The following TMEM33 variants were observed in gnomAD, a reference collection of about 807,000 sequenced individuals.
The protein encoded by TMEM33 is transmembrane protein 33.
A neutral mutation model predicts 29.7 loss-of-function variants in TMEM33; 16 were observed. The ratio of observed to expected loss-of-function variants is 0.54; its 90% confidence interval spans 0.36 to 0.82. TMEM33 has a LOEUF of 0.82. Among genes scored for constraint, TMEM33 ranks in the 40% least tolerant of loss-of-function variants. The pLI is 0.00. For synonymous variants in TMEM33, 112 were observed against 109.4 expected (o/e 1.02, Z -0.15); for missense variants, 252 against 295.3 (o/e 0.85, Z 1.08).
At chr4:41,943,705 A>G (rs1577650309) in intron 3 of TMEM33, 42 bp from the exon 4 acceptor site, 2 of 1,569,014 alleles carry the variant, frequency 1.3e-6, no homozygotes, top group East Asian at 2.2e-5. Context: ...TTTGCAGAAT[A>G]CTTGATGACT....
chr4:41,943,620 A>G lies in TMEM33; in HGVS notation c.329-127A>G, dbSNP rs79756322. ...TTGATTTGGCTTAAAGTGTATCAGT[A>G]AAACAAGCCATTCCACTGAACTCAT... is the stretch of plus-strand genomic sequence containing the variant. On this transcript the variant is annotated intron_variant, in intron 3 of 6. Coordinates refer to ENST00000504986, the MANE Select transcript of TMEM33 (RefSeq NM_018126.3). The G allele has an allele frequency of 7.7e-3, 5,793 of 752,454 alleles. 223 individuals carry two copies. In the African/African-American group the frequency reaches 0.089, roughly 12 times the overall value. The allele number at this position is 752,454 out of a possible 1,614,324, so 46.6% of individuals were successfully genotyped here.
chr4:41,954,265 G>A lies in TMEM33; in HGVS notation c.*66G>A. On this transcript the variant is annotated 3_prime_UTR_variant, in exon 7 of 7. Coordinates refer to ENST00000504986, the MANE Select transcript of TMEM33 (RefSeq NM_018126.3). ...TTAGCAGCTGGTACTTCTGCTAGGGGTTGTAAATTCCAGGTGTTACACTGA... is the reference window on the plus strand; with the variant it reads ...TTAGCAGCTGGTACTTCTGCTAGGGATTGTAAATTCCAGGTGTTACACTGA... The A allele has an allele frequency of 6.4e-7, 1 of 1,553,288 alleles. No homozygotes were observed. Among genetic ancestry groups the A allele is most frequent in the Non-Finnish European group, 8.8e-7 (1 of 1,139,588 alleles).
At chr4:41,936,141 T>G (rs754566967) in intron 1 of TMEM33, among the ~76,000 whole-genome samples, 8 of 152,244 alleles carry the variant, frequency 5.3e-5, no homozygotes, top group Non-Finnish European at 1.0e-4. Context: ...GTGACCACAA[T>G]GCAGTTACCA....
chr4:41,945,376 A>T (rs1007116171), intron 5 of TMEM33, among the ~76,000 whole-genome samples: 1 of 152,228 alleles, frequency 6.6e-6, no homozygotes, highest in Non-Finnish European at 1.5e-5. Context: ...ACATTAAAAT[A>T]GTATTGACCT....
intron 1 of TMEM33, among the ~76,000 whole-genome samples, chr4:41,935,929 G>A (rs1712209591): frequency 6.6e-6 from 1 of 152,192 alleles, no homozygotes; most frequent in Non-Finnish European, 1.5e-5. Flanking sequence ...TTTCTGCCTA[G>A]TTTATACAAT....
In TMEM33 at chr4:41,957,819, C is replaced by T. The variant is rs1417626060; in HGVS notation, c.*3620C>T. ...ATGAAAACTTCAAGGAAGAAGTAGC[C>T]ACGGACAGTTATGTTTATAATCAGT... On this transcript the variant is annotated 3_prime_UTR_variant, in exon 7 of 7. Transcript: ENST00000504986. The T allele has an allele frequency of 6.6e-6, 1 of 151,920 alleles. No individual in the cohort carries two copies. The highest frequency in any genetic ancestry group is 2.4e-5 in the African/African-American group (1 of 41,334). The allele number at this position is 151,920 out of a possible 1,614,324, so 9.4% of individuals were successfully genotyped here.
rs1464442334 is a variant in TMEM33 at position 41,955,896 on chromosome 4, G to T, written c.*1697G>T. 6.6e-6 allele frequency: 1 copy of T among 152,574 alleles called. No homozygotes were observed. The allele number at this position is 152,574 out of a possible 1,614,324, so 9.5% of individuals were successfully genotyped here. A position where few individuals can be genotyped will look rare whatever the true frequency, so the allele number is the denominator to read the frequency against. On this transcript the variant is annotated 3_prime_UTR_variant, in exon 7 of 7. Coordinates refer to ENST00000504986, the MANE Select transcript of TMEM33 (RefSeq NM_018126.3). ...TGGCAGCTGAAGTCATGTTTATTTT[G>T]AAGCTGTTAGTTTTTTCCTATAATT...
chr4:41,945,300 TTTTG>T (rs1712736217), intron 5 of TMEM33, among the ~76,000 whole-genome samples: 2 of 152,218 alleles, frequency 1.3e-5, no homozygotes, highest in African/African-American at 2.4e-5. Flanking sequence ...TATCACCTTA[TTTTG>T]TTTGTATCTT....
chr4:41,944,660 A>G (rs1712699040), intron 4 of TMEM33, 133 bp from the exon 5 acceptor site: 3 of 1,040,982 alleles, frequency 2.9e-6, no homozygotes, highest in Non-Finnish European at 4.1e-6. Flanking sequence ...TAGTTTGTGA[A>G]CTTCGTACCA....
chr4:41,953,563 G>T (rs1005733800), intron 6 of TMEM33, among the ~76,000 whole-genome samples: 20 of 152,134 alleles, frequency 1.3e-4, no homozygotes, highest in African/African-American at 4.8e-4. Flanking sequence ...TTTTCACTAA[G>T]CTTAATCATT....
chr4:41,957,146 C>T lies in TMEM33; in HGVS notation c.*2947C>T, dbSNP rs1713306193. 6.6e-6 allele frequency: 1 copy of T among 152,030 alleles called. No individual in the cohort carries two copies. Among genetic ancestry groups the T allele is most frequent in the Non-Finnish European group, 1.5e-5 (1 of 67,970 alleles). The allele number at this position is 152,030 out of a possible 1,614,324, so 9.4% of individuals were successfully genotyped here. A position where few individuals can be genotyped will look rare whatever the true frequency, so the allele number is the denominator to read the frequency against. On this transcript the variant is annotated 3_prime_UTR_variant, in exon 7 of 7. Transcript: ENST00000504986. Reference sequence around the variant, plus strand: ...TTAAACCTTTTTGGATAGATGGAAGCCTTATACAAAATCTACTTTATTTTA... The same window carrying T: ...TTAAACCTTTTTGGATAGATGGAAGTCTTATACAAAATCTACTTTATTTTA...
rs548971000 is a variant in TMEM33 at position 41,946,001 on chromosome 4, A to G, written c.530+1075A>G. On this transcript the variant is annotated intron_variant, in intron 5 of 6. Coordinates refer to ENST00000504986, the MANE Select transcript of TMEM33 (RefSeq NM_018126.3). ...AAAAAAAAAAAAAAAAGAAAAGGAA[A>G]AAAAAAAGTGTTATTCTGTACCTTT... Among the ~76,000 whole-genome samples the G allele has an allele frequency of 2.7e-4, 41 of 150,908 alleles. 1 individual carries two copies. The highest frequency in any genetic ancestry group is 2.5e-3 in the Admixed American group (38 of 15,152).
At chr4:41,938,325 A>C (rs1712348915) in intron 1 of TMEM33, among the ~76,000 whole-genome samples, 1 of 152,220 alleles carries the variant, frequency 6.6e-6, no homozygotes, top group East Asian at 1.9e-4. Flanking sequence ...CTAATTAATT[A>C]GTCTTTGCAT....
intron 3 of TMEM33, among the ~76,000 whole-genome samples, chr4:41,941,700 AAAC>A (rs1560516549): frequency 6.6e-6 from 1 of 152,242 alleles, no homozygotes; most frequent in African/African-American, 2.4e-5. Flanking sequence ...GGAATAACAT[AAAC>A]TAGTAATTGG....
chr4:41,940,502 C>T (rs1392302366), intron 3 of TMEM33, among the ~76,000 whole-genome samples: 1 of 151,986 alleles, frequency 6.6e-6, no homozygotes, highest in Non-Finnish European at 1.5e-5. Flanking sequence ...TTCCTGAGCA[C>T]CTATTTTGCC....
intron 2 of TMEM33, 138 bp from the exon 3 acceptor site, chr4:41,939,058 C>T (rs1410492749): frequency 1.4e-5 from 10 of 738,712 alleles, no homozygotes; most frequent in Non-Finnish European, 2.1e-5. Context: ...GCTATTAAAA[C>T]GGTAGAATAA....
At position 41,940,046 on chromosome 4, in the gene TMEM33, C is replaced by CCTTTT. The variant is rs1553910603; in HGVS notation, c.328+663_328+664insCTTTT. Among the ~76,000 whole-genome samples the CCTTTT allele has an allele frequency of 1.4e-3, 116 of 81,352 alleles. 4 individuals carry two copies. The highest frequency in any genetic ancestry group is 4.1e-3 in the African/African-American group (74 of 17,900). The allele number at this position is 81,352 out of a possible 152,430, so 53.4% of individuals were successfully genotyped here. ...TATAGTGAACACTAGGTTAAACTTTCTTTTTTTTTTTTTTTTTTTTTTTTG... is the reference window on the plus strand; with the variant it reads ...TATAGTGAACACTAGGTTAAACTTTCCTTTTTTTTTTTTTTTTTTTTTTTTTTTTG... On this transcript the variant is annotated intron_variant, in intron 3 of 6. Coordinates refer to ENST00000504986, the MANE Select transcript of TMEM33 (RefSeq NM_018126.3).
chr4:41,954,853 T>C lies in TMEM33; in HGVS notation c.*654T>C, dbSNP rs938402008. The C allele has an allele frequency of 1.3e-5, 2 of 152,472 alleles. No homozygotes were observed. Among genetic ancestry groups the C allele is most frequent in the Non-Finnish European group, 2.9e-5 (2 of 68,022 alleles). The allele number at this position is 152,472 out of a possible 1,614,324, so 9.4% of individuals were successfully genotyped here. A position where few individuals can be genotyped will look rare whatever the true frequency, so the allele number is the denominator to read the frequency against. On this transcript the variant is annotated 3_prime_UTR_variant, in exon 7 of 7. Coordinates refer to ENST00000504986, the MANE Select transcript of TMEM33 (RefSeq NM_018126.3). ...CTCAACTGTAAGCCTCTTAGCCAGTTGGATAAATATTTGGGGTCACCTAGC... is the reference window on the plus strand; with the variant it reads ...CTCAACTGTAAGCCTCTTAGCCAGTCGGATAAATATTTGGGGTCACCTAGC...
Position 41,954,324 on chromosome 4 carries a change from A to T in TMEM33, c.*125A>T. ...CAATTTACATAATTTACATAAATGCATCTCGGTGGAAAAATAATCATTTTC... is the reference window on the plus strand; with the variant it reads ...CAATTTACATAATTTACATAAATGCTTCTCGGTGGAAAAATAATCATTTTC... On this transcript the variant is annotated 3_prime_UTR_variant, in exon 7 of 7. Coordinates refer to ENST00000504986, the MANE Select transcript of TMEM33 (RefSeq NM_018126.3). 1 of 1,007,678 alleles carries T rather than the reference A, an allele frequency of 9.9e-7. No individual in the cohort carries two copies. Among genetic ancestry groups the T allele is most frequent in the Non-Finnish European group, 1.4e-6 (1 of 730,636 alleles). The allele number at this position is 1,007,678 out of a possible 1,614,324, so 62.4% of individuals were successfully genotyped here.
Sources: gnomAD v4.1 joint callset for allele counts (sites outside exome capture counted in the v4.1 genomes callset) on GRCh38, gnomAD v4.1.1 for gene constraint, MANE v1.5 for transcripts, NCBI Gene and HGNC (gene_info 2026-07-23, HGNC 2026-07-21) for gene names.